KCNMA1: variants seen among roughly 807,000 people sequenced by gnomAD.
KCNMA1 encodes the protein Calcium-activated potassium channel subunit alpha-1.
Under a neutral mutation model 140.0 loss-of-function variants are expected in KCNMA1, and 29 were observed. The observed-to-expected ratio is 0.21, with a 90% CI of 0.15 to 0.28. The LOEUF (loss-of-function observed/expected upper bound fraction) is 0.28, where lower values mean the gene tolerates loss of function less well. Among genes scored for constraint, KCNMA1 ranks in the 10% least tolerant of loss-of-function variants. The pLI is 1.00. For missense variants in KCNMA1, 880 were observed against 1,602.2 expected, an observed-to-expected ratio of 0.55 and a Z score of 7.70; for synonymous variants, 612 against 611.9, an observed-to-expected ratio of 1.00 and a Z score of 0.00.
chr10:77,530,023 T>C (rs2057202014), intron 1 of KCNMA1, among the ~76,000 whole-genome samples: 1 of 152,184 alleles, frequency 6.6e-6, no homozygotes, highest in Non-Finnish European at 1.5e-5. Context: ...GCTAATAATG[T>C]TCAACACCAC....
intron 1 of KCNMA1, among the ~76,000 whole-genome samples, chr10:77,616,270 A>G (rs1337435122): frequency 6.6e-6 from 1 of 152,234 alleles, no homozygotes; most frequent in African/African-American, 2.4e-5. Flanking sequence ...ACCTGGATGG[A>G]CTAGAGTGGA....
At chr10:77,082,441 C>T (rs985682180) in intron 12 of KCNMA1, among the ~76,000 whole-genome samples, 1 of 152,140 alleles carries the variant, frequency 6.6e-6, no homozygotes, top group African/African-American at 2.4e-5. Flanking sequence ...TTAAGAGAAA[C>T]ACCCATTTCA....
chr10:77,329,905 A>G (rs2085695683), intron 2 of KCNMA1, among the ~76,000 whole-genome samples: 1 of 152,224 alleles, frequency 6.6e-6, no homozygotes, highest in African/African-American at 2.4e-5. Context: ...TTATTATAAA[A>G]ATTAAATGAG....
chr10:76,918,608 C>T (rs147644790), intron 23 of KCNMA1, among the ~76,000 whole-genome samples: 3,828 of 152,134 alleles, frequency 0.025, 144 homozygotes, highest in African/African-American at 0.075. Context: ...GGCATGGATG[C>T]GGTGAACAGA....
chr10:77,152,986 C>T (rs2098441858), intron 5 of KCNMA1, among the ~76,000 whole-genome samples: 1 of 152,132 alleles, frequency 6.6e-6, no homozygotes, highest in Admixed American at 6.5e-5. Flanking sequence ...CACTAAGGCC[C>T]CTGGAGCCAT....
chr10:76,970,238 T>C, intron 19 of KCNMA1, 171 bp from the exon 20 acceptor site: 1 of 668,396 alleles, frequency 1.5e-6, no homozygotes, highest in African/African-American at 1.8e-5. Flanking sequence ...GAGGCCGGCT[T>C]AGAGAAGGTG....
intron 19 of KCNMA1, among the ~76,000 whole-genome samples, chr10:76,994,251 C>T (rs878881685): frequency 1.3e-5 from 2 of 152,224 alleles, no homozygotes; most frequent in Non-Finnish European, 2.9e-5. Flanking sequence ...GTTGCCTCAA[C>T]TGCAAACAGC....
At chr10:77,580,568 G>T (rs2075588723) in intron 1 of KCNMA1, among the ~76,000 whole-genome samples, 1 of 152,192 alleles carries the variant, frequency 6.6e-6, no homozygotes, top group Non-Finnish European at 1.5e-5. Flanking sequence ...GCAGGGCAGG[G>T]TCAGCCTGCC....
intron 3 of KCNMA1, among the ~76,000 whole-genome samples, chr10:77,216,032 CTCTATT>C (rs754080237): frequency 6.6e-6 from 1 of 152,094 alleles, no homozygotes; most frequent in Non-Finnish European, 1.5e-5. Flanking sequence ...ACTTCTTAGC[CTCTATT>C]TCTATCTTGA....
intron 1 of KCNMA1, among the ~76,000 whole-genome samples, chr10:77,625,745 A>T (rs1278905864): frequency 6.6e-6 from 1 of 152,234 alleles, no homozygotes; most frequent in East Asian, 1.9e-4. Context: ...TAATCTATTC[A>T]TCTGTGAATG....
intron 1 of KCNMA1, among the ~76,000 whole-genome samples, chr10:77,559,257 G>A (rs956270291): frequency 2.6e-5 from 4 of 152,176 alleles, no homozygotes; most frequent in African/African-American, 9.7e-5. Flanking sequence ...TTTACATGGT[G>A]GTAAGTAGCA....
intron 2 of KCNMA1, among the ~76,000 whole-genome samples, chr10:77,328,169 A>G (rs1032670126): frequency 6.6e-6 from 1 of 152,232 alleles, no homozygotes; most frequent in African/African-American, 2.4e-5. Flanking sequence ...AATTAAACAA[A>G]ACAATACATG....
intron 18 of KCNMA1, chr10:77,008,170 A>G: frequency 1.3e-6 from 2 of 1,534,624 alleles, no homozygotes; most frequent in Non-Finnish European, 1.7e-6. Context: ...GCTGCTGGGA[A>G]CCCGTTTTAC....
chr10:76,913,746 C>CA lies in KCNMA1; in HGVS notation c.3016+1189dup, dbSNP rs563320111. ...GGGAGAAGGCGGGAGAGCGGGGTGACAAAAAAAAGTGGGGAAAAAAGGCTC... is the reference window on the plus strand; with the variant it reads ...GGGAGAAGGCGGGAGAGCGGGGTGACAAAAAAAAAGTGGGGAAAAAAGGCTC... On this transcript the variant is annotated intron_variant, in intron 24 of 27. Coordinates refer to ENST00000286628, the MANE Select transcript of KCNMA1 (RefSeq NM_001161352.2). 211 of 303,618 alleles carry CA rather than the reference C, an allele frequency of 6.9e-4. 1 individual carries two copies. Among genetic ancestry groups the CA allele is most frequent in the Middle Eastern group, 1.0e-3 (1 of 996 alleles). 18.8% of individuals were successfully genotyped at this position (303,618 alleles called of 1,614,324 possible). A position where few individuals can be genotyped will look rare whatever the true frequency, so the allele number is the denominator to read the frequency against.
intron 2 of KCNMA1, among the ~76,000 whole-genome samples, chr10:77,280,571 G>A (rs1205095817): frequency 6.6e-6 from 1 of 152,108 alleles, no homozygotes; most frequent in Non-Finnish European, 1.5e-5. Flanking sequence ...TTGTTGCCCA[G>A]ACTGGAGTGC....
At chr10:77,120,551 G>A (rs574501282) in intron 6 of KCNMA1, among the ~76,000 whole-genome samples, 1 of 152,224 alleles carries the variant, frequency 6.6e-6, no homozygotes, top group African/African-American at 2.4e-5. Context: ...TTGCCTTTAC[G>A]ACTGGGTTCA....
At chr10:77,347,156 T>C (rs1295598023) in intron 2 of KCNMA1, among the ~76,000 whole-genome samples, 3 of 152,158 alleles carry the variant, frequency 2.0e-5, no homozygotes. Context: ...GAGATCATTT[T>C]CGTAAAGCAC....
chr10:77,166,594 G>A (rs534263498), intron 5 of KCNMA1, among the ~76,000 whole-genome samples: 2 of 152,152 alleles, frequency 1.3e-5, no homozygotes, highest in African/African-American at 4.8e-5. Flanking sequence ...GGAAGAGGAG[G>A]GGAAGGACAT....
Position 77,579,287 on chromosome 10 carries a change from G to T in KCNMA1, c.378+57978C>A, listed in dbSNP as rs145308447. Among the ~76,000 whole-genome samples, 373 of 152,284 alleles carry T rather than the reference G, an allele frequency of 2.4e-3. 7 individuals carry two copies. The South Asian group carries it at 0.026, about 11-fold the overall frequency. ...AAGCAGGAGGGATCAGGGAGGCAGG[G>T]GTGTCAGTGACAAATGGCCACAGGT... On this transcript the variant is annotated intron_variant, in intron 1 of 27. Transcript: ENST00000286628.
Sources: allele counts gnomAD v4.1 joint callset (sites outside exome capture counted in the v4.1 genomes callset), GRCh38; gene constraint gnomAD v4.1.1; transcripts MANE v1.5; gene names NCBI Gene and HGNC (gene_info 2026-07-23, HGNC 2026-07-21).